Variants in PDE4B observed in about 807,000 individuals in gnomAD.
The protein encoded by PDE4B is 3',5'-cyclic-AMP phosphodiesterase 4B.
A neutral mutation model predicts 82.2 loss-of-function variants in PDE4B; 20 were observed. That is an observed-to-expected ratio of 0.24 (90% CI 0.17 to 0.35). The LOEUF is 0.35. Ranked by LOEUF, PDE4B falls within the 10% of genes least tolerant of loss-of-function variation. The pLI is 1.00. For missense variants in PDE4B, 655 were observed against 907.2 expected (o/e 0.72, Z 3.57); for synonymous variants, 320 against 318.9 (o/e 1.00, Z -0.04).
At chr1:65,994,980 G>C (rs1340203210) in intron 3 of PDE4B, among the ~76,000 whole-genome samples, 1 of 151,912 alleles carries the variant, frequency 6.6e-6, no homozygotes, top group Non-Finnish European at 1.5e-5. Flanking sequence ...AAATTTTCTG[G>C]CAGCAAAAGG....
Position 66,372,841 on chromosome 1 carries a change from G to A in PDE4B, c.*163G>A. The A allele has an allele frequency of 3.1e-6, 2 of 649,272 alleles. No homozygotes were observed. Among genetic ancestry groups the A allele is most frequent in the Non-Finnish European group, 5.2e-6 (2 of 388,002 alleles). 40.2% of individuals were successfully genotyped at this position (649,272 alleles called of 1,614,324 possible). On this transcript the variant is annotated 3_prime_UTR_variant, in exon 17 of 17. Coordinates refer to ENST00000341517, the MANE Select transcript of PDE4B (RefSeq NM_002600.4). The stretch of plus-strand genomic sequence containing the variant: ...AGAAAGCAAGACCAGGAAGCAAATA[G>A]CAGCTCAGGAAATCCCACGGTTGAC...
Position 66,364,167 on chromosome 1 carries a change from G to C in PDE4B, c.1284+596G>C, listed in dbSNP as rs889783899. ...CAATGCCACCCTAGGTATATATAGA[G>C]CACTATATTCCAAGGGGGATATCAC... On this transcript the variant is annotated intron_variant, in intron 12 of 16. Coordinates refer to ENST00000341517, the MANE Select transcript of PDE4B (RefSeq NM_002600.4). 3.3e-5 allele frequency among the ~76,000 whole-genome samples: 5 copies of C among 152,012 alleles called. No homozygotes were observed. In the East Asian group the frequency reaches 9.6e-4, roughly 29 times the overall value.
intron 2 of PDE4B, among the ~76,000 whole-genome samples, chr1:65,916,055 G>T (rs1038870894): frequency 6.6e-6 from 1 of 152,124 alleles, no homozygotes; most frequent in African/African-American, 2.4e-5. Context: ...TAGAGTAGTG[G>T]TGTATAAATT....
intron 1 of PDE4B, among the ~76,000 whole-genome samples, chr1:65,838,272 A>G (rs1646164307): frequency 6.6e-6 from 1 of 152,026 alleles, no homozygotes; most frequent in South Asian, 2.1e-4. Flanking sequence ...TGTGTTCTAG[A>G]TCATCAAAAA....
intron 13 of PDE4B, among the ~76,000 whole-genome samples, chr1:66,366,024 G>A (rs980779527): frequency 2.0e-5 from 3 of 152,234 alleles, no homozygotes; most frequent in Non-Finnish European, 4.4e-5. Flanking sequence ...AATATGTAAG[G>A]AAAGAATAAT....
intron 1 of PDE4B, among the ~76,000 whole-genome samples, chr1:65,874,747 A>G (rs1646618513): frequency 2.0e-5 from 3 of 151,676 alleles, no homozygotes; most frequent in Non-Finnish European, 2.9e-5. Context: ...AGCCATATGT[A>G]GAAAGCTGAA....
In PDE4B at chr1:66,177,806, C is replaced by A. The variant is rs143531234; in HGVS notation, c.282-69654C>A. 5.3e-5 allele frequency among the ~76,000 whole-genome samples: 8 copies of A among 152,196 alleles called. No homozygotes were observed. The South Asian group carries it at 1.2e-3, about 24-fold the overall frequency. On this transcript the variant is annotated intron_variant, in intron 3 of 16. Transcript: ENST00000341517. ...AGTAAGCCACAGGAATGCCCTGAAG[C>A]CTTTCCTAAAGGTGGGATCATCATG...
intron 3 of PDE4B, among the ~76,000 whole-genome samples, chr1:66,182,487 T>C (rs1385952143): frequency 6.6e-6 from 1 of 152,202 alleles, no homozygotes; most frequent in Non-Finnish European, 1.5e-5. Context: ...AATTGCATTA[T>C]TAATTATCAT....
At chr1:66,102,232 T>A (rs1397338523) in intron 3 of PDE4B, among the ~76,000 whole-genome samples, 1 of 152,006 alleles carries the variant, frequency 6.6e-6, no homozygotes, top group Non-Finnish European at 1.5e-5. Flanking sequence ...TTTGGGTTTG[T>A]TTTTGTTTTT....
chr1:66,260,864 A>G (rs756762562), intron 6 of PDE4B, among the ~76,000 whole-genome samples: 3 of 152,124 alleles, frequency 2.0e-5, no homozygotes, highest in Non-Finnish European at 4.4e-5. Context: ...CTGGCTGAGG[A>G]CTACCCTTCA....
intron 9 of PDE4B, among the ~76,000 whole-genome samples, chr1:66,359,827 G>T (rs1290313184): frequency 1.3e-5 from 2 of 152,182 alleles, no homozygotes; most frequent in Non-Finnish European, 2.9e-5. Context: ...ATAATATATA[G>T]GTTTTATGCC....
chr1:65,793,597 G>T (rs1463756925), intron 1 of PDE4B, among the ~76,000 whole-genome samples: 1 of 152,148 alleles, frequency 6.6e-6, no homozygotes, highest in Non-Finnish European at 1.5e-5. Flanking sequence ...GGATGGGCGC[G>T]CGGTGCCCAG....
At chr1:66,025,386 T>C (rs1214641440) in intron 3 of PDE4B, among the ~76,000 whole-genome samples, 1 of 152,126 alleles carries the variant, frequency 6.6e-6, no homozygotes, top group Non-Finnish European at 1.5e-5. Context: ...TCAAGTAAGC[T>C]AAATTCCTTA....
intron 1 of PDE4B, among the ~76,000 whole-genome samples, chr1:65,814,068 C>T (rs1158177276): frequency 6.6e-6 from 1 of 152,100 alleles, no homozygotes; most frequent in African/African-American, 2.4e-5. Context: ...TACCCAGAGT[C>T]GAGAGCCAGG....
intron 3 of PDE4B, among the ~76,000 whole-genome samples, chr1:66,093,933 A>G (rs1226605985): frequency 1.3e-5 from 2 of 151,982 alleles, no homozygotes; most frequent in Non-Finnish European, 2.9e-5. Flanking sequence ...CATTCAATCA[A>G]TTTTTTATTG....
At chr1:66,202,658 T>C (rs568409749) in intron 3 of PDE4B, among the ~76,000 whole-genome samples, 1 of 152,254 alleles carries the variant, frequency 6.6e-6, no homozygotes, top group East Asian at 1.9e-4. Flanking sequence ...TATCAGAGAC[T>C]AGGATTGCAA....
At chr1:66,365,416 G>A (rs2275644) in intron 12 of PDE4B, among the ~76,000 whole-genome samples, 10,760 of 152,212 alleles carry the variant, frequency 0.071, 389 homozygotes, top group Middle Eastern at 0.11. Context: ...CATGAGATTT[G>A]TGCTAATATC....
chr1:66,031,481 C>T (rs1653773311), intron 3 of PDE4B, among the ~76,000 whole-genome samples: 1 of 152,002 alleles, frequency 6.6e-6, no homozygotes, highest in Non-Finnish European at 1.5e-5. Flanking sequence ...TTTCAGTGAC[C>T]CATATATTTA....
At chr1:66,366,118 C>G (rs773014332) in intron 13 of PDE4B, among the ~76,000 whole-genome samples, 1 of 152,112 alleles carries the variant, frequency 6.6e-6, no homozygotes, top group Non-Finnish European at 1.5e-5. Context: ...AACTCTCGCA[C>G]AGAGCATAGT....
Sources: gnomAD v4.1 joint callset for allele counts (sites outside exome capture counted in the v4.1 genomes callset) on GRCh38, gnomAD v4.1.1 for gene constraint, MANE v1.5 for transcripts, NCBI Gene and HGNC (gene_info 2026-07-23, HGNC 2026-07-21) for gene names.